PTPRD: variants seen among roughly 807,000 people sequenced by gnomAD.
PTPRD encodes the protein protein tyrosine phosphatase receptor type D, also known as receptor-type tyrosine-protein phosphatase delta.
Under a neutral mutation model 214.5 loss-of-function variants are expected in PTPRD, and 34 were observed. The ratio of observed to expected loss-of-function variants is 0.16; its 90% CI spans 0.12 to 0.21. The LOEUF (loss-of-function observed/expected upper bound fraction) is 0.21. PTPRD is among the 10% of genes least tolerant of loss of function. The pLI is 1.00. For synonymous variants in PTPRD, 1,128 were observed against 845.7 expected, an observed-to-expected ratio of 1.33 and a Z score of -5.79; for missense variants, 2,545 against 2,398.7, an observed-to-expected ratio of 1.06 and a Z score of -1.27.
chr9:10,427,565 T>C (rs2098634027), intron 2 of PTPRD, among the ~76,000 whole-genome samples: 3 of 152,030 alleles, frequency 2.0e-5, no homozygotes, highest in Non-Finnish European at 2.9e-5. Context: ...TGATGGTTGA[T>C]AATTGTCATT....
At chr9:9,301,208 T>A (rs1302481305) in intron 9 of PTPRD, among the ~76,000 whole-genome samples, 1 of 151,940 alleles carries the variant, frequency 6.6e-6, no homozygotes, top group African/African-American at 2.4e-5. Context: ...AAGTTTTTTC[T>A]CAAACTAAAT....
chr9:8,527,489 A>C, intron 15 of PTPRD, 136 bp from the exon 16 acceptor site: 1 of 780,100 alleles, frequency 1.3e-6, no homozygotes, highest in East Asian at 2.7e-5. Flanking sequence ...TTAATTCTTC[A>C]TTTACAATAA....
intron 43 of PTPRD, among the ~76,000 whole-genome samples, chr9:8,336,869 A>G (rs1005237436): frequency 3.3e-5 from 5 of 152,204 alleles, no homozygotes; most frequent in African/African-American, 1.2e-4. Flanking sequence ...ACTGGTCATT[A>G]GAGAAATGCA....
At chr9:9,200,840 G>A (rs1052383275) in intron 9 of PTPRD, among the ~76,000 whole-genome samples, 2 of 152,162 alleles carry the variant, frequency 1.3e-5, no homozygotes, top group African/African-American at 4.8e-5. Flanking sequence ...AATTATTAAA[G>A]CTTACACAAA....
chr9:8,833,707 T>C (rs1257029301), intron 11 of PTPRD, among the ~76,000 whole-genome samples: 2,156 of 134,642 alleles, frequency 0.016, 26 homozygotes, highest in Middle Eastern at 0.087. Context: ...TCTCTATATA[T>C]ATATATATAC....
intron 3 of PTPRD, among the ~76,000 whole-genome samples, chr9:10,125,622 T>TTGTGTGTGTGTGTGTGTGTGTGTGTGTG (rs35164422): frequency 1.4e-5 from 2 of 139,296 alleles, no homozygotes; most frequent in African/African-American, 5.3e-5. Context: ...GCTCGGCTAA[T>TTGTGTGTGTGTGTGTGTGTGTGTGTGTG]TGTGTGTGTG....
chr9:10,231,451 C>A (rs1290893884), intron 3 of PTPRD, among the ~76,000 whole-genome samples: 1 of 151,840 alleles, frequency 6.6e-6, no homozygotes, highest in Non-Finnish European at 1.5e-5. Flanking sequence ...ACTATCATCA[C>A]TCTGGTGGTA....
chr9:8,563,338 G>A (rs1277531609), intron 14 of PTPRD, among the ~76,000 whole-genome samples: 1 of 151,682 alleles, frequency 6.6e-6, no homozygotes, highest in Non-Finnish European at 1.5e-5. Flanking sequence ...GATATGTGCA[G>A]TTGATCACAT....
intron 37 of PTPRD, among the ~76,000 whole-genome samples, chr9:8,384,030 T>C (rs1413011215): frequency 1.3e-5 from 2 of 152,250 alleles, no homozygotes; most frequent in East Asian, 1.9e-4. Context: ...AGAAGATAGA[T>C]GAAGGGAAAA....
intron 3 of PTPRD, among the ~76,000 whole-genome samples, chr9:10,035,273 T>C (rs1001382106): frequency 2.6e-5 from 4 of 151,966 alleles, no homozygotes; most frequent in African/African-American, 7.3e-5. Context: ...CTTTGCCCAC[T>C]TTTTAATGGG....
intron 11 of PTPRD, among the ~76,000 whole-genome samples, chr9:8,912,241 C>T (rs773610488): frequency 8.5e-5 from 13 of 152,132 alleles, no homozygotes; most frequent in South Asian, 2.1e-4. Context: ...ATAGACCCAA[C>T]GGGAACCAAA....
In PTPRD at chr9:9,859,451, C is replaced by T. The variant is rs566200300; in HGVS notation, c.-368+79056G>A. 3.3e-5 allele frequency among the ~76,000 whole-genome samples: 5 copies of T among 152,114 alleles called. No homozygotes were observed. The East Asian group carries it at 5.8e-4, about 18-fold the overall frequency. On this transcript the variant is annotated intron_variant, in intron 5 of 45. Coordinates refer to ENST00000381196, the MANE Select transcript of PTPRD (RefSeq NM_002839.4). The stretch of plus-strand genomic sequence containing the variant: ...TCTTAGCTTTGTTTGTGGGTAAGGA[C>T]GGGCAGAAGAAAACATGCTATATGT...
chr9:9,952,676 G>T (rs1380040703), intron 4 of PTPRD, among the ~76,000 whole-genome samples: 2 of 152,130 alleles, frequency 1.3e-5, no homozygotes, highest in South Asian at 2.1e-4. Context: ...GCACCATTTT[G>T]CCAGGATAAC....
chr9:9,720,763 T>C (rs1322149929), intron 7 of PTPRD, among the ~76,000 whole-genome samples: 1 of 152,074 alleles, frequency 6.6e-6, no homozygotes, highest in Non-Finnish European at 1.5e-5. Flanking sequence ...CAATGACAGG[T>C]TGGATAAATA....
chr9:10,347,156 T>G (rs2097098740), intron 2 of PTPRD, among the ~76,000 whole-genome samples: 1 of 152,166 alleles, frequency 6.6e-6, no homozygotes, highest in Non-Finnish European at 1.5e-5. Flanking sequence ...TACTCTTCTT[T>G]TCTCATTCCT....
intron 5 of PTPRD, among the ~76,000 whole-genome samples, chr9:9,909,386 G>A (rs900168333): frequency 6.7e-6 from 1 of 149,604 alleles, no homozygotes; most frequent in Non-Finnish European, 1.5e-5. Context: ...AGGGGCAGCT[G>A]CTAGGAAGTA....
chr9:10,462,682 G>C (rs1206458991), intron 2 of PTPRD, among the ~76,000 whole-genome samples: 6 of 151,516 alleles, frequency 4.0e-5, no homozygotes, highest in African/African-American at 1.5e-4. Flanking sequence ...AGTATTGGAA[G>C]TGCATTGAGA....
intron 8 of PTPRD, among the ~76,000 whole-genome samples, chr9:9,495,193 A>G (rs567123143): frequency 1.3e-5 from 2 of 152,096 alleles, no homozygotes; most frequent in Admixed American, 1.3e-4. Context: ...TCAGACCTAA[A>G]TCTATACAAC....
chr9:8,336,527 A>G (rs1025825755), intron 43 of PTPRD, among the ~76,000 whole-genome samples: 6 of 149,880 alleles, frequency 4.0e-5, no homozygotes, highest in African/African-American at 1.5e-4. Flanking sequence ...TTCAGGACAT[A>G]GGTATACACA....
Sources: allele counts gnomAD v4.1 joint callset (sites outside exome capture counted in the v4.1 genomes callset), GRCh38; gene constraint gnomAD v4.1.1; transcripts MANE v1.5; gene names NCBI Gene and HGNC (gene_info 2026-07-23, HGNC 2026-07-21).